Variants in ASPH observed in about 807,000 individuals in gnomAD.
ASPH encodes aspartyl/asparaginyl beta-hydroxylase.
ASPH carries 100 observed loss-of-function variants against 118.4 expected under a neutral mutation model. The observed-to-expected ratio is 0.84, with a 90% CI of 0.72 to 1.00. The LOEUF (loss-of-function observed/expected upper bound fraction) is 1.00. ASPH is among the 50% of genes least tolerant of loss of function. The probability of loss-of-function intolerance (pLI) is 0.00; values close to 1 mark genes in which losing one functional copy is unlikely to be tolerated. For synonymous variants in ASPH, 315 were observed against 325.6 expected (o/e 0.97, Z 0.35); for missense variants, 920 against 919.5 (o/e 1.00, Z -0.01).
At chr8:61,553,837 G>A (rs190444188) in intron 19 of ASPH, among the ~76,000 whole-genome samples, 4 of 152,306 alleles carry the variant, frequency 2.6e-5, no homozygotes, top group African/African-American at 9.6e-5. Flanking sequence ...TTAAAAATAT[G>A]TAAATGTCAA....
intron 22 of ASPH, among the ~76,000 whole-genome samples, chr8:61,522,089 TTAAGA>T (rs1403843522): frequency 2.0e-5 from 3 of 152,246 alleles, no homozygotes; most frequent in South Asian, 2.1e-4. Context: ...GTGGCACTTA[TTAAGA>T]TAAGAGCAAA....
At chr8:61,648,080 G>C (rs923458542) in intron 5 of ASPH, among the ~76,000 whole-genome samples, 8 of 152,172 alleles carry the variant, frequency 5.3e-5, no homozygotes, top group African/African-American at 1.7e-4. Context: ...CATACCAGCT[G>C]GGTGACTGTG....
chr8:61,662,713 T>C (rs1817548157), intron 3 of ASPH: 1 of 385,258 alleles, frequency 2.6e-6, no homozygotes, highest in Non-Finnish European at 3.5e-6. Flanking sequence ...AAAAAATAAA[T>C]CAAGTTCTAG....
intron 19 of ASPH, among the ~76,000 whole-genome samples, chr8:61,553,415 T>A (rs1326542145): frequency 2.0e-5 from 3 of 152,184 alleles, no homozygotes; most frequent in Non-Finnish European, 4.4e-5. Context: ...ATTTCAATAT[T>A]TTGAAGAATT....
intron 21 of ASPH, among the ~76,000 whole-genome samples, chr8:61,541,721 C>G (rs1822048152): frequency 6.6e-6 from 1 of 152,044 alleles, no homozygotes; most frequent in African/African-American, 2.4e-5. Flanking sequence ...ATATAGTTCT[C>G]AAAGTACAAT....
At chr8:61,639,605 C>A (rs1442038396) in intron 10 of ASPH, among the ~76,000 whole-genome samples, 1 of 152,174 alleles carries the variant, frequency 6.6e-6, no homozygotes, top group East Asian at 1.9e-4. Flanking sequence ...CATAGAACCA[C>A]CTCATGTCTC....
intron 14 of ASPH, chr8:61,606,429 G>A (rs570787363): frequency 1.1e-4 from 17 of 152,216 alleles, no homozygotes; most frequent in Middle Eastern, 3.4e-3. Context: ...TTTATATAAA[G>A]GGTATCAATT....
At chr8:61,709,850 T>C (rs1312602483) in intron 1 of ASPH, among the ~76,000 whole-genome samples, 1 of 152,218 alleles carries the variant, frequency 6.6e-6, no homozygotes, top group Non-Finnish European at 1.5e-5. Flanking sequence ...AACTTGAAAG[T>C]TGATGTGCAA....
intron 1 of ASPH, among the ~76,000 whole-genome samples, chr8:61,686,355 A>C (rs185833454): frequency 1.3e-5 from 2 of 152,306 alleles, no homozygotes; most frequent in East Asian, 3.9e-4. Flanking sequence ...ATGTTGGTAG[A>C]GGGAAATGGT....
At chr8:61,665,753 T>C in intron 3 of ASPH, 1 of 788,818 alleles carries the variant, frequency 1.3e-6, no homozygotes, top group Non-Finnish European at 1.9e-6. Context: ...TCACTAGTCT[T>C]TATGGTGGCT....
In ASPH at chr8:61,642,974, A is replaced by G. The variant is rs1026043506; in HGVS notation, c.758-54T>C. ...ATAAGTATTAACTGAGTCATTCTAT[A>G]CAATTGTTCAGTTAAAACAAAATAC... is the stretch of plus-strand genomic sequence containing the variant. On this transcript the variant is annotated intron_variant, in intron 9 of 24. Coordinates refer to ENST00000379454, the MANE Select transcript of ASPH (RefSeq NM_004318.4). The G allele has an allele frequency of 1.6e-5, 24 of 1,466,484 alleles. No individual in the cohort carries two copies. In the African/African-American group the frequency reaches 2.5e-4, roughly 15 times the overall value. 90.8% of individuals were successfully genotyped at this position (1,466,484 alleles called of 1,614,324 possible).
At chr8:61,664,776 A>T in intron 3 of ASPH, 1 of 986,680 alleles carries the variant, frequency 1.0e-6, no homozygotes, top group Non-Finnish European at 1.2e-6. Flanking sequence ...GTGGTGGCAC[A>T]TGAGCCTGGG....
intron 16 of ASPH, among the ~76,000 whole-genome samples, chr8:61,576,014 T>G (rs1369509571): frequency 3.9e-5 from 6 of 152,198 alleles, no homozygotes; most frequent in Non-Finnish European, 1.5e-5. Context: ...AACCTTCCCC[T>G]CGTTCTTGCC....
intron 5 of ASPH, among the ~76,000 whole-genome samples, chr8:61,649,740 T>C (rs573267172): frequency 3.3e-4 from 50 of 151,842 alleles, no homozygotes; most frequent in African/African-American, 1.2e-3. Context: ...CCATCCTGAA[T>C]CACTGTTACC....
rs976652889 is a variant in ASPH at position 61,502,595 on chromosome 8, C to T, written c.*764G>A. The T allele has an allele frequency of 3.9e-5, 6 of 152,194 alleles. No individual in the cohort carries two copies. In the South Asian group the frequency reaches 1.0e-3, roughly 26 times the overall value. The allele number at this position is 152,194 out of a possible 1,614,324, so 9.4% of individuals were successfully genotyped here. ...AAATTTGCATCTGGGATTTTTATAA[C>T]AATATAAAATAATTCCATGCTCTTT... On this transcript the variant is annotated 3_prime_UTR_variant, in exon 25 of 25. Coordinates refer to ENST00000379454, the MANE Select transcript of ASPH (RefSeq NM_004318.4).
At chr8:61,657,902 T>C (rs1272445815) in intron 3 of ASPH, 1 of 152,218 alleles carries the variant, frequency 6.6e-6, no homozygotes, top group Non-Finnish European at 1.5e-5. Context: ...ATCTTTGGTT[T>C]ACTAATTCAA....
At chr8:61,665,530 C>G (rs768919714) in intron 3 of ASPH, 1 of 1,575,368 alleles carries the variant, frequency 6.3e-7, no homozygotes, top group Non-Finnish European at 8.6e-7. Flanking sequence ...CCTTTTTTCT[C>G]TCTTCATTCT....
intron 16 of ASPH, among the ~76,000 whole-genome samples, chr8:61,569,135 A>G (rs938688): frequency 6.6e-6 from 1 of 152,208 alleles, no homozygotes; most frequent in Non-Finnish European, 1.5e-5. Context: ...GCTGTTAGCA[A>G]AGTAGCAGCA....
chr8:61,527,792 A>G (rs7011243), intron 21 of ASPH, among the ~76,000 whole-genome samples: 41,150 of 151,766 alleles, frequency 0.27, 7,798 homozygotes, highest in African/African-American at 0.51. Flanking sequence ...CCAGATCACC[A>G]GTCTCTGGTG....
Sources: gnomAD v4.1 joint callset for allele counts (sites outside exome capture counted in the v4.1 genomes callset) on GRCh38, gnomAD v4.1.1 for gene constraint, MANE v1.5 for transcripts, NCBI Gene and HGNC (gene_info 2026-07-23, HGNC 2026-07-21) for gene names.